Variants in SKAP2 observed in about 807,000 individuals in gnomAD.
SKAP2 encodes src kinase associated phosphoprotein 2, also known as src kinase-associated phosphoprotein 2.
SKAP2 carries 28 observed loss-of-function variants against 54.9 expected under a neutral mutation model. The ratio of observed to expected loss-of-function variants is 0.51; its 90% CI spans 0.38 to 0.70. SKAP2 has a LOEUF of 0.70. Ranked by LOEUF, SKAP2 falls within the 30% of genes least tolerant of loss-of-function variation. SKAP2 has a pLI of 0.00. For synonymous variants in SKAP2, 137 were observed against 134.3 expected, an observed-to-expected ratio of 1.02 and a Z score of -0.14; for missense variants, 356 against 424.1, an observed-to-expected ratio of 0.84 and a Z score of 1.41.
intron 3 of SKAP2, among the ~76,000 whole-genome samples, chr7:26,851,129 G>T (rs932437972): frequency 6.6e-6 from 1 of 151,702 alleles, no homozygotes; most frequent in African/African-American, 2.4e-5. Context: ...TTAAATTTTA[G>T]GAATTGACAG....
chr7:26,672,272 T>C (rs1786259957), intron 11 of SKAP2, among the ~76,000 whole-genome samples: 1 of 152,044 alleles, frequency 6.6e-6, no homozygotes, highest in South Asian at 2.1e-4. Flanking sequence ...GTTATCATTT[T>C]CAAAAAGTTA....
At chr7:26,807,351 T>TG (rs1007390406) in intron 4 of SKAP2, among the ~76,000 whole-genome samples, 44 of 152,258 alleles carry the variant, frequency 2.9e-4, no homozygotes, top group African/African-American at 1.0e-3. Flanking sequence ...ATCGGGGAAG[T>TG]GGGGGTTCCC....
chr7:26,785,179 G>A (rs1026281358), intron 4 of SKAP2, among the ~76,000 whole-genome samples: 1 of 151,822 alleles, frequency 6.6e-6, no homozygotes, highest in Non-Finnish European at 1.5e-5. Flanking sequence ...ATCCTGTGAG[G>A]AAACAGAGTG....
the SKAP2 span, among the ~76,000 whole-genome samples, chr7:26,655,280 C>A: frequency 2.6e-5 from 4 of 152,302 alleles, no homozygotes; most frequent in East Asian, 7.7e-4. Flanking sequence ...ATCTACTGTA[C>A]AGTAACCACT....
At chr7:26,767,551 T>A (rs912801095) in intron 4 of SKAP2, among the ~76,000 whole-genome samples, 1 of 152,230 alleles carries the variant, frequency 6.6e-6, no homozygotes, top group Non-Finnish European at 1.5e-5. Context: ...AAATGTGATG[T>A]TAGGTTGTCG....
intron 1 of SKAP2, among the ~76,000 whole-genome samples, chr7:26,862,688 G>A (rs890315402): frequency 6.6e-6 from 1 of 151,984 alleles, no homozygotes; most frequent in African/African-American, 2.4e-5. Flanking sequence ...AAATACTTGT[G>A]ATCTATGGGG....
intron 4 of SKAP2, among the ~76,000 whole-genome samples, chr7:26,784,947 G>A (rs933454780): frequency 2.4e-4 from 37 of 152,124 alleles, no homozygotes; most frequent in African/African-American, 8.7e-4. Flanking sequence ...GATAAAGCAA[G>A]GACAGGAAAA....
chr7:26,837,310 T>C (rs1031993430), intron 4 of SKAP2, among the ~76,000 whole-genome samples: 3 of 152,138 alleles, frequency 2.0e-5, no homozygotes, highest in Non-Finnish European at 4.4e-5. Flanking sequence ...GCTCTGCACA[T>C]GTACCCCAGA....
At chr7:26,749,846 A>G (rs1193943290) in intron 4 of SKAP2, among the ~76,000 whole-genome samples, 1 of 151,626 alleles carries the variant, frequency 6.6e-6, no homozygotes, top group Admixed American at 6.6e-5. Flanking sequence ...TGTTTCTATT[A>G]TCTCCATACT....
At chr7:26,764,453 A>C (rs1339079465) in intron 4 of SKAP2, among the ~76,000 whole-genome samples, 2 of 152,260 alleles carry the variant, frequency 1.3e-5, no homozygotes, top group African/African-American at 2.4e-5. Flanking sequence ...AGACTAGATA[A>C]TTTACAACCT....
At chr7:26,733,402 T>G (rs1427901737) in intron 6 of SKAP2, among the ~76,000 whole-genome samples, 1 of 151,882 alleles carries the variant, frequency 6.6e-6, no homozygotes, top group Non-Finnish European at 1.5e-5. Flanking sequence ...CAGAATTTGT[T>G]TCTGTCAAAT....
At chr7:26,703,000 T>C (rs983873661) in intron 9 of SKAP2, among the ~76,000 whole-genome samples, 3 of 152,252 alleles carry the variant, frequency 2.0e-5, no homozygotes, top group African/African-American at 7.2e-5. Context: ...CTGTGCCCCA[T>C]GCACAGAGTT....
chr7:26,848,861 T>C (rs1206345133), intron 3 of SKAP2, among the ~76,000 whole-genome samples: 1 of 152,148 alleles, frequency 6.6e-6, no homozygotes, highest in Non-Finnish European at 1.5e-5. Context: ...TCTTCTACAA[T>C]AGGAGGGCAT....
intron 6 of SKAP2, among the ~76,000 whole-genome samples, chr7:26,738,579 T>C (rs958880804): frequency 4.6e-5 from 7 of 152,186 alleles, no homozygotes; most frequent in Non-Finnish European, 8.8e-5. Context: ...TCTTTTCTAA[T>C]TCAATACAAC....
intron 4 of SKAP2, among the ~76,000 whole-genome samples, chr7:26,841,536 A>C (rs978240127): frequency 6.6e-6 from 1 of 152,072 alleles, no homozygotes; most frequent in Non-Finnish European, 1.5e-5. Flanking sequence ...CTTGAATTTC[A>C]TTAGAAGATA....
intron 6 of SKAP2, among the ~76,000 whole-genome samples, chr7:26,734,599 C>G (rs902707643): frequency 2.0e-5 from 3 of 152,154 alleles, no homozygotes; most frequent in African/African-American, 7.2e-5. Flanking sequence ...TTATTTCTCA[C>G]AGTTCTGGGA....
At chr7:26,857,551 C>G (rs1785197195) in intron 1 of SKAP2, 1 of 985,298 alleles carries the variant, frequency 1.0e-6, no homozygotes, top group East Asian at 1.1e-4. Context: ...CACACCGATC[C>G]TGATCTCGCA....
chr7:26,847,786 G>T (rs1244669862), intron 3 of SKAP2, among the ~76,000 whole-genome samples: 1 of 152,268 alleles, frequency 6.6e-6, no homozygotes, highest in South Asian at 2.1e-4. Context: ...TTAATGATCA[G>T]TTTAAAAATA....
At chr7:26,761,879 G>A (rs1471506278) in intron 4 of SKAP2, among the ~76,000 whole-genome samples, 8 of 152,204 alleles carry the variant, frequency 5.3e-5, no homozygotes, top group Non-Finnish European at 7.3e-5. Flanking sequence ...TAGCCAGGGC[G>A]ACAGAGTGAG....
Sources: allele counts gnomAD v4.1 joint callset (sites outside exome capture counted in the v4.1 genomes callset), GRCh38; gene constraint gnomAD v4.1.1; transcripts MANE v1.5; gene names NCBI Gene and HGNC (gene_info 2026-07-23, HGNC 2026-07-21).